The following PHTF1 variants were observed in gnomAD, a reference collection of about 807,000 sequenced individuals.
PHTF1 encodes the protein putative homeodomain transcription factor 1, also known as protein PHTF1.
Under a neutral mutation model 102.4 loss-of-function variants are expected in PHTF1, and 88 were observed. That is an observed-to-expected ratio of 0.86 (90% CI 0.72 to 1.03). The LOEUF (loss-of-function observed/expected upper bound fraction) is 1.03, where lower values mean the gene tolerates loss of function less well. Among genes scored for constraint, PHTF1 ranks in the 50% least tolerant of loss-of-function variants. The pLI is 0.00. For missense variants in PHTF1, 814 were observed against 909.5 expected (o/e 0.89, Z 1.35); for synonymous variants, 289 against 305.2 (o/e 0.95, Z 0.55).
At position 113,721,861 on chromosome 1, in the gene PHTF1, T is replaced by A. The variant is rs191054273; in HGVS notation, c.623+2898A>T. On this transcript the variant is annotated intron_variant, in intron 7 of 18. Coordinates refer to ENST00000369604, the MANE Select transcript of PHTF1 (RefSeq NM_001323043.2). ...CCCGCCACCACGCCCGGCTAATTTT[T>A]TTTTTTGTATTTTTAGTAGAGACAG... Among the ~76,000 whole-genome samples the A allele has an allele frequency of 2.4e-3, 358 of 151,764 alleles. 4 individuals carry two copies. Among genetic ancestry groups the A allele is most frequent in the African/African-American group, 8.3e-3 (343 of 41,448 alleles).
intron 15 of PHTF1, 138 bp downstream of exon 15, chr1:113,703,943 T>C (rs942354333): frequency 5.9e-6 from 3 of 505,764 alleles, no homozygotes; most frequent in Non-Finnish European, 1.1e-5. Flanking sequence ...GTTAGAAAAA[T>C]TACCAAACAT....
chr1:113,700,866 TA>T lies in PHTF1; in HGVS notation c.1973del (p.Leu658TyrfsTer44). 3 of 1,611,168 alleles carry T rather than the reference TA, an allele frequency of 1.9e-6. No individual in the cohort carries two copies. Among genetic ancestry groups the T allele is most frequent in the Admixed American group, 3.4e-5 (2 of 58,970 alleles). On this transcript the variant is annotated frameshift_variant, in exon 16 of 19. Coordinates refer to ENST00000369604, the MANE Select transcript of PHTF1 (RefSeq NM_001323043.2). LOFTEE classifies it high-confidence loss of function. Reference protein sequence around the residue: ...LIWETALLLFLLRLASLGSET... With the variant: ...LIWETALLLFXLRLASLGSET... ...CAGACCCCAGTGAGGCCAGACGCAA[TA>T]AAAAAAGTAGTAAAGCTGTTTCCCA...
At chr1:113,739,789 GA>G (rs1233977606) in intron 3 of PHTF1, among the ~76,000 whole-genome samples, 1 of 152,084 alleles carries the variant, frequency 6.6e-6, no homozygotes, top group African/African-American at 2.4e-5. Flanking sequence ...ACTTCTATGA[GA>G]TCAACTTTTT....
intron 3 of PHTF1, among the ~76,000 whole-genome samples, chr1:113,756,955 C>CAGG (rs576842985): frequency 1.5e-3 from 224 of 152,266 alleles, no homozygotes; most frequent in African/African-American, 5.3e-3. Context: ...ATCACAAGGT[C>CAGG]AGGAGATCGA....
At chr1:113,726,362 T>C in intron 6 of PHTF1, 56 bp downstream of exon 6, 1 of 1,251,942 alleles carries the variant, frequency 8.0e-7, no homozygotes, top group Non-Finnish European at 1.1e-6. Context: ...GTTTTATAAA[T>C]CTCTACAATA....
intron 15 of PHTF1, 103 bp downstream of exon 15, chr1:113,703,978 C>T: frequency 1.7e-6 from 1 of 580,418 alleles, no homozygotes; most frequent in Admixed American, 3.2e-5. Context: ...AATGTAGATG[C>T]ATTAAAAATA....
intron 5 of PHTF1, among the ~76,000 whole-genome samples, chr1:113,731,631 CA>C (rs1369854433): frequency 6.6e-6 from 1 of 152,014 alleles, no homozygotes; most frequent in African/African-American, 2.4e-5. Context: ...CTGTGGCTCA[CA>C]CCTGTAATCC....
intron 3 of PHTF1, among the ~76,000 whole-genome samples, chr1:113,739,824 AG>A (rs1656077180): frequency 6.6e-6 from 1 of 152,240 alleles, no homozygotes; most frequent in Admixed American, 6.5e-5. Flanking sequence ...GTGTGAGAAC[AG>A]AAAGTATTTA....
At chr1:113,746,562 G>A (rs898989402) in intron 3 of PHTF1, among the ~76,000 whole-genome samples, 4 of 152,146 alleles carry the variant, frequency 2.6e-5, no homozygotes, top group African/African-American at 9.7e-5. Context: ...ATAATATACA[G>A]TTCAGTCCAT....
intron 2 of PHTF1, 30 bp from the exon 3 acceptor site, chr1:113,757,785 C>G (rs780535598): frequency 1.4e-6 from 2 of 1,421,586 alleles, no homozygotes; most frequent in Non-Finnish European, 2.0e-6. Context: ...ATTAGTTAAA[C>G]GATGCAAAGG....
intron 4 of PHTF1, 137 bp from the exon 5 acceptor site, chr1:113,738,405 G>C: frequency 1.6e-6 from 1 of 624,242 alleles, no homozygotes; most frequent in Non-Finnish European, 2.7e-6. Context: ...AACCCTCTTA[G>C]ATGTTTGTTA....
At chr1:113,723,204 G>T (rs944567442) in intron 7 of PHTF1, among the ~76,000 whole-genome samples, 1 of 149,358 alleles carries the variant, frequency 6.7e-6, no homozygotes, top group Non-Finnish European at 1.5e-5. Context: ...TTGAGACAGG[G>T]TCACACTCTG....
chr1:113,754,928 A>T (rs1226519274), intron 3 of PHTF1, among the ~76,000 whole-genome samples: 23 of 152,140 alleles, frequency 1.5e-4, no homozygotes. Context: ...TCCTCTAAAC[A>T]AGTCTTATAC....
Position 113,738,845 on chromosome 1 carries a change from C to T in PHTF1, c.103-46G>A, listed in dbSNP as rs200727909. 8.6e-6 allele frequency: 11 copies of T among 1,276,018 alleles called. No homozygotes were observed. The East Asian group carries it at 2.4e-4, about 27-fold the overall frequency. 79.0% of individuals were successfully genotyped at this position (1,276,018 alleles called of 1,614,324 possible). A position where few individuals can be genotyped will look rare whatever the true frequency, so the allele number is the denominator to read the frequency against. On this transcript the variant is annotated intron_variant, in intron 3 of 18. Coordinates refer to ENST00000369604, the MANE Select transcript of PHTF1 (RefSeq NM_001323043.2). ...AATAAAATCAGAAATAAAGAAAAGC[C>T]CTTTTATTTATTTATTTATTTTTGA...
intron 7 of PHTF1, among the ~76,000 whole-genome samples, chr1:113,721,966 T>C (rs1046376137): frequency 6.6e-6 from 1 of 151,402 alleles, no homozygotes; most frequent in Non-Finnish European, 1.5e-5. Flanking sequence ...AGTGCTGGGA[T>C]TACAGGCGTG....
chr1:113,706,213 T>TA (rs1243577695), intron 12 of PHTF1, 51 bp from the exon 13 acceptor site: 1 of 1,447,482 alleles, frequency 6.9e-7, no homozygotes, highest in African/African-American at 1.4e-5. Context: ...TAAATGGAGT[T>TA]ACAAAGCAGT....
chr1:113,728,935 A>G (rs1233488494), intron 5 of PHTF1, among the ~76,000 whole-genome samples: 1 of 152,136 alleles, frequency 6.6e-6, no homozygotes, highest in Non-Finnish European at 1.5e-5. Flanking sequence ...AGAACAAAAG[A>G]AAGAAAGGAA....
chr1:113,700,950 C>G lies in PHTF1; in HGVS notation c.1891-1G>C, dbSNP rs781723174. ...GGAAAGTTTTATGTCCTTGGAGAAC[C>G]TATACAAAGGATCAAAAAAAAGTTA... On this transcript the variant is annotated splice_acceptor_variant, in intron 15 of 18. Coordinates refer to ENST00000369604, the MANE Select transcript of PHTF1 (RefSeq NM_001323043.2). LOFTEE classifies it high-confidence loss of function. 5.0e-6 allele frequency: 8 copies of G among 1,597,480 alleles called. No homozygotes were observed. In the Admixed American group the frequency reaches 7.3e-5, roughly 15 times the overall value.
At chr1:113,705,163 G>A (rs1649929705) in intron 13 of PHTF1, among the ~76,000 whole-genome samples, 1 of 152,222 alleles carries the variant, frequency 6.6e-6, no homozygotes, top group African/African-American at 2.4e-5. Flanking sequence ...TCTGGGGCTG[G>A]GCATGGTGGC....
Sources: gnomAD v4.1 joint callset for allele counts (sites outside exome capture counted in the v4.1 genomes callset) on GRCh38, gnomAD v4.1.1 for gene constraint, MANE v1.5 for transcripts, NCBI Gene and HGNC (gene_info 2026-07-23, HGNC 2026-07-21) for gene names.